GPC5: variants seen among roughly 807,000 people sequenced by gnomAD.
The protein encoded by GPC5 is glypican 5, also known as glypican-5.
In GPC5, 47 loss-of-function variants were observed where a neutral mutation model predicts 53.9. The observed-to-expected ratio is 0.87, with a 90% CI of 0.69 to 1.11. The LOEUF is 1.11. Ranked by LOEUF, GPC5 falls within the 50% of genes most tolerant of loss-of-function variation. The pLI is 0.00. For missense variants in GPC5, 748 were observed against 713.1 expected, an observed-to-expected ratio of 1.05 and a Z score of -0.56; for synonymous variants, 286 against 263.3, an observed-to-expected ratio of 1.09 and a Z score of -0.84.
intron 7 of GPC5, among the ~76,000 whole-genome samples, chr13:92,852,848 CAG>C (rs1238400420): frequency 1.6e-4 from 24 of 152,164 alleles, no homozygotes; most frequent in Admixed American, 1.6e-3. Context: ...TGGTAATATA[CAG>C]AGTCACCTGG....
At position 92,440,749 on chromosome 13, in the gene GPC5, C is replaced by A. The variant is rs116094190; in HGVS notation, c.1561+295760C>A. Among the ~76,000 whole-genome samples the A allele has an allele frequency of 3.7e-3, 558 of 152,168 alleles. 4 individuals carry two copies. Among genetic ancestry groups the A allele is most frequent in the African/African-American group, 0.013 (526 of 41,540 alleles). ...CTATACCCTTTTCTCCATAACTTTG[C>A]CAGCATCTGTTATTTTTTGAGGTTT... On this transcript the variant is annotated intron_variant, in intron 7 of 7. Coordinates refer to ENST00000377067, the MANE Select transcript of GPC5 (RefSeq NM_004466.6).
rs34708469 is a variant in GPC5 at position 92,076,078 on chromosome 13, A to ATT, written c.1402-68738_1402-68737dup. The stretch of plus-strand genomic sequence containing the variant: ...AGAGAGGGAAAGTTTCGAAAGTATA[A>ATT]TTTTTTTTTTTTTTTGAGACGGAGT... On this transcript the variant is annotated intron_variant, in intron 6 of 7. Transcript: ENST00000377067. 2.1e-3 allele frequency among the ~76,000 whole-genome samples: 300 copies of ATT among 146,114 alleles called. 4 individuals are homozygous for ATT. Among genetic ancestry groups the ATT allele is most frequent in the East Asian group, 0.016 (80 of 4,922 alleles).
chr13:92,613,521 T>C (rs1167602789), intron 7 of GPC5, among the ~76,000 whole-genome samples: 1 of 106,408 alleles, frequency 9.4e-6, no homozygotes. Context: ...AAATATAATA[T>C]ATAATTTATA....
intron 7 of GPC5, among the ~76,000 whole-genome samples, chr13:92,384,572 T>C (rs2043776796): frequency 6.6e-6 from 1 of 152,138 alleles, no homozygotes; most frequent in Non-Finnish European, 1.5e-5. Context: ...ATGTGTACCT[T>C]TTCTCTTCCT....
intron 7 of GPC5, among the ~76,000 whole-genome samples, chr13:92,494,095 GTTTTGT>G (rs1364988793): frequency 6.3e-5 from 6 of 95,298 alleles, no homozygotes; most frequent in Admixed American, 1.1e-4. Flanking sequence ...GTTTTGTTTT[GTTTTGT>G]TTTTTTGAGA....
intron 2 of GPC5, among the ~76,000 whole-genome samples, chr13:91,686,564 G>C (rs560038529): frequency 6.6e-6 from 1 of 151,894 alleles, no homozygotes; most frequent in Non-Finnish European, 1.5e-5. Flanking sequence ...TAGAGAATTA[G>C]GTAGTTGCTT....
intron 7 of GPC5, among the ~76,000 whole-genome samples, chr13:92,432,136 G>A (rs904054376): frequency 1.3e-5 from 2 of 152,086 alleles, no homozygotes; most frequent in African/African-American, 4.8e-5. Context: ...CAGAGAGCTT[G>A]GCTTACTCTC....
intron 7 of GPC5, among the ~76,000 whole-genome samples, chr13:92,156,984 A>T (rs1199326863): frequency 6.6e-6 from 1 of 152,108 alleles, no homozygotes; most frequent in Non-Finnish European, 1.5e-5. Flanking sequence ...ACAATGTATT[A>T]TCTATTATTT....
intron 2 of GPC5, among the ~76,000 whole-genome samples, chr13:91,466,942 T>C (rs1882276873): frequency 6.6e-6 from 1 of 152,170 alleles, no homozygotes; most frequent in Non-Finnish European, 1.5e-5. Flanking sequence ...TGCTGGGCAC[T>C]GTACCATTTT....
intron 7 of GPC5, among the ~76,000 whole-genome samples, chr13:92,751,857 CG>C (rs1889413028): frequency 1.3e-5 from 2 of 152,112 alleles, no homozygotes; most frequent in Admixed American, 1.3e-4. Context: ...TCCCATTTTC[CG>C]TTTTCACAAC....
At chr13:91,739,050 C>A (rs2036873496) in intron 4 of GPC5, among the ~76,000 whole-genome samples, 1 of 151,460 alleles carries the variant, frequency 6.6e-6, no homozygotes, top group Non-Finnish European at 1.5e-5. Context: ...CTGCAGACAT[C>A]TTCATTTTTG....
intron 7 of GPC5, among the ~76,000 whole-genome samples, chr13:92,575,677 C>G (rs1436983895): frequency 6.6e-6 from 1 of 152,158 alleles, no homozygotes. Context: ...CTCATGTAAA[C>G]CCTGGGCCCA....
At chr13:91,691,524 G>T (rs747753139) in intron 2 of GPC5, among the ~76,000 whole-genome samples, 1 of 152,074 alleles carries the variant, frequency 6.6e-6, no homozygotes, top group Non-Finnish European at 1.5e-5. Flanking sequence ...CGATGCACAG[G>T]TAACACATGA....
At chr13:92,067,968 C>T (rs558636831) in intron 6 of GPC5, among the ~76,000 whole-genome samples, 1 of 151,736 alleles carries the variant, frequency 6.6e-6, no homozygotes, top group East Asian at 1.9e-4. Context: ...TAAAAATAAG[C>T]CTGTATTACT....
At chr13:91,641,857 G>A (rs2034439124) in intron 2 of GPC5, among the ~76,000 whole-genome samples, 1 of 152,172 alleles carries the variant, frequency 6.6e-6, no homozygotes, top group South Asian at 2.1e-4. Flanking sequence ...GTGGTCTAGG[G>A]GCATGGATCC....
intron 6 of GPC5, among the ~76,000 whole-genome samples, chr13:92,115,829 C>T (rs2041596390): frequency 6.6e-6 from 1 of 152,062 alleles, no homozygotes; most frequent in Non-Finnish European, 1.5e-5. Flanking sequence ...CGCAAAATTC[C>T]TATGTTGAAG....
At chr13:92,349,155 T>G (rs1054778661) in intron 7 of GPC5, among the ~76,000 whole-genome samples, 1 of 152,148 alleles carries the variant, frequency 6.6e-6, no homozygotes. Flanking sequence ...TAATTTAATT[T>G]AATTTGAGAT....
At chr13:91,948,582 A>G (rs1427042724) in intron 6 of GPC5, among the ~76,000 whole-genome samples, 1 of 152,190 alleles carries the variant, frequency 6.6e-6, no homozygotes. Flanking sequence ...TTTGTTAAAC[A>G]TAGGTCACTT....
At chr13:91,716,292 A>G (rs2036337384) in intron 3 of GPC5, among the ~76,000 whole-genome samples, 4 of 152,158 alleles carry the variant, frequency 2.6e-5, no homozygotes, top group Admixed American at 2.6e-4. Context: ...ACTGCCTGGT[A>G]GAAAGTATAC....
Sources: gnomAD v4.1 joint callset for allele counts (sites outside exome capture counted in the v4.1 genomes callset) on GRCh38, gnomAD v4.1.1 for gene constraint, MANE v1.5 for transcripts, NCBI Gene and HGNC (gene_info 2026-07-23, HGNC 2026-07-21) for gene names.